NINL: variants seen among roughly 807,000 people sequenced by gnomAD.
The protein encoded by NINL is ninein-like protein.
In NINL, 153 loss-of-function variants were observed where a neutral mutation model predicts 160.3. The ratio of observed to expected loss-of-function variants is 0.95; its 90% CI spans 0.84 to 1.09. The LOEUF is 1.09. Among genes scored for constraint, NINL ranks in the 50% least tolerant of loss-of-function variants. NINL has a pLI of 0.00. For missense variants in NINL, 1,829 were observed against 1,764.0 expected, an observed-to-expected ratio of 1.04 and a Z score of -0.66; for synonymous variants, 800 against 734.8, an observed-to-expected ratio of 1.09 and a Z score of -1.43.
intron 1 of NINL, among the ~76,000 whole-genome samples, chr20:25,552,680 C>T (rs183385463): frequency 1.3e-5 from 2 of 152,178 alleles, no homozygotes; most frequent in African/African-American, 4.8e-5. Flanking sequence ...TCTAGACACA[C>T]CCCCCTGCAA....
At chr20:25,506,100 A>G (rs912491089) in intron 5 of NINL, among the ~76,000 whole-genome samples, 6 of 152,196 alleles carry the variant, frequency 3.9e-5, no homozygotes, top group African/African-American at 1.4e-4. Flanking sequence ...CGTCTCTACT[A>G]AAAATACAAA....
At chr20:25,495,679 C>G (rs1389631959) in intron 10 of NINL, among the ~76,000 whole-genome samples, 5 of 152,194 alleles carry the variant, frequency 3.3e-5, no homozygotes, top group African/African-American at 1.2e-4. Flanking sequence ...ACCCTCCAGG[C>G]ATGCGCAAAC....
chr20:25,525,152 T>G (rs1054805729), intron 2 of NINL, among the ~76,000 whole-genome samples: 2 of 152,124 alleles, frequency 1.3e-5, no homozygotes, highest in African/African-American at 4.8e-5. Context: ...AGAAAGGGCA[T>G]GAGTTTGCCT....
At chr20:25,468,523 CACT>C (rs2062980792) in intron 18 of NINL, among the ~76,000 whole-genome samples, 5 of 86,022 alleles carry the variant, frequency 5.8e-5, no homozygotes, top group Non-Finnish European at 1.0e-4. Context: ...CACTGGTTGG[CACT>C]GCCCTGCCCT....
chr20:25,470,649 C>T (rs2063072699), intron 17 of NINL, among the ~76,000 whole-genome samples: 1 of 152,176 alleles, frequency 6.6e-6, no homozygotes, highest in African/African-American at 2.4e-5. Context: ...GGAGTCCCTG[C>T]TTGGGTAATG....
At chr20:25,506,998 T>C (rs943139440) in intron 5 of NINL, among the ~76,000 whole-genome samples, 11 of 152,240 alleles carry the variant, frequency 7.2e-5, no homozygotes, top group African/African-American at 2.4e-4. Context: ...AGTTGATTTG[T>C]TTGAACCAGC....
At chr20:25,565,147 G>A (rs73111261) in intron 1 of NINL, among the ~76,000 whole-genome samples, 6,025 of 152,182 alleles carry the variant, frequency 0.04, 201 homozygotes, top group Non-Finnish European at 0.059. Flanking sequence ...CCCACTCTTC[G>A]GACAGGTGGA....
In NINL at chr20:25,558,519, A is replaced by G. The variant is rs373552854; in HGVS notation, c.-12+26936T>C. ...CCTTCATTTAATAATAATTTATTTTACCCCCTTGGAACTTATAATGATTTT... is the reference window on the plus strand; with the variant it reads ...CCTTCATTTAATAATAATTTATTTTGCCCCCTTGGAACTTATAATGATTTT... On this transcript the variant is annotated intron_variant, in intron 1 of 23. Transcript: ENST00000278886. Among the ~76,000 whole-genome samples the G allele has an allele frequency of 6.0e-4, 91 of 152,242 alleles. 1 individual carries two copies. The South Asian group carries it at 0.012, about 20-fold the overall frequency.
intron 5 of NINL, among the ~76,000 whole-genome samples, chr20:25,510,076 T>G (rs1601185871): frequency 6.6e-6 from 1 of 152,234 alleles, no homozygotes; most frequent in Admixed American, 6.5e-5. Context: ...CACGGCAGCA[T>G]GGATGGTCAG....
At chr20:25,559,766 A>AT (rs540169538) in intron 1 of NINL, among the ~76,000 whole-genome samples, 11,767 of 146,516 alleles carry the variant, frequency 0.08, 584 homozygotes, top group African/African-American at 0.14. Flanking sequence ...ACACCCGACT[A>AT]TTTTTTTTTT....
intron 17 of NINL, 91 bp from the exon 18 acceptor site, chr20:25,470,186 G>A (rs2063062032): frequency 1.2e-5 from 11 of 949,630 alleles, no homozygotes; most frequent in Non-Finnish European, 1.5e-5. Flanking sequence ...CCTGAGAACT[G>A]TGCGTCCCCA....
intron 1 of NINL, among the ~76,000 whole-genome samples, chr20:25,558,318 C>T (rs1230483967): frequency 1.3e-5 from 2 of 152,196 alleles, no homozygotes; most frequent in African/African-American, 4.8e-5. Flanking sequence ...AGCGATTCTC[C>T]TGCCTCAGCC....
intron 1 of NINL, among the ~76,000 whole-genome samples, chr20:25,550,860 A>T (rs181718968): frequency 7.9e-4 from 121 of 152,246 alleles, no homozygotes; most frequent in Admixed American, 1.4e-3. Context: ...TCTTATCTCA[A>T]CTGCAGAGAG....
chr20:25,524,929 G>A lies in NINL; in HGVS notation c.180+1479C>T, dbSNP rs58421340. Reference sequence around the variant, plus strand: ...AATATATATATATATATATATGTGTGTGTATATATATATATATAAATAAAT... The same window carrying A: ...AATATATATATATATATATATGTGTATGTATATATATATATATAAATAAAT... On this transcript the variant is annotated intron_variant, in intron 2 of 23. Transcript: ENST00000278886. Among the ~76,000 whole-genome samples the A allele has an allele frequency of 8.4e-3, 1,243 of 147,162 alleles. 15 individuals carry two copies. Among genetic ancestry groups the A allele is most frequent in the African/African-American group, 0.029 (1,155 of 40,364 alleles).
At chr20:25,499,945 C>CAA (rs11476280) in intron 8 of NINL, among the ~76,000 whole-genome samples, 1,050 of 61,364 alleles carry the variant, frequency 0.017, 77 homozygotes, top group African/African-American at 0.044. Flanking sequence ...ACCAATTTCG[C>CAA]AAAAAAAAAA....
At chr20:25,496,549 C>T in intron 10 of NINL, 114 bp downstream of exon 10, 1 of 1,290,256 alleles carries the variant, frequency 7.8e-7, no homozygotes, top group Non-Finnish European at 1.1e-6. Context: ...ATAGGGGGGT[C>T]TCCACTGAGC....
At chr20:25,575,364 A>G (rs1190077198) in intron 1 of NINL, among the ~76,000 whole-genome samples, 2 of 147,656 alleles carry the variant, frequency 1.4e-5, no homozygotes, top group Admixed American at 6.9e-5. Flanking sequence ...GGAGAATGGC[A>G]TGAACCCAGA....
intron 22 of NINL, 83 bp downstream of exon 22, chr20:25,458,300 G>T: frequency 6.5e-7 from 1 of 1,544,584 alleles, no homozygotes; most frequent in Non-Finnish European, 8.8e-7. Flanking sequence ...CAGTTGTGCA[G>T]CTTCTGGGTA....
At chr20:25,510,137 T>C (rs2064040914) in intron 5 of NINL, among the ~76,000 whole-genome samples, 2 of 152,260 alleles carry the variant, frequency 1.3e-5, no homozygotes, top group Non-Finnish European at 2.9e-5. Context: ...TATGATTTGC[T>C]TATGTGTACC....
Sources: gnomAD v4.1 joint callset for allele counts (sites outside exome capture counted in the v4.1 genomes callset) on GRCh38, gnomAD v4.1.1 for gene constraint, MANE v1.5 for transcripts, NCBI Gene and HGNC (gene_info 2026-07-23, HGNC 2026-07-21) for gene names.